The following NNMT variants were observed in gnomAD, a reference collection of about 807,000 sequenced individuals.
NNMT encodes the protein nicotinamide N-methyltransferase.
Under a neutral mutation model 11.7 loss-of-function variants are expected in NNMT, and 10 were observed. The observed-to-expected ratio is 0.85, with a 90% CI of 0.53 to 1.45. The LOEUF (loss-of-function observed/expected upper bound fraction) is 1.45, where lower values mean the gene tolerates loss of function less well. Among genes scored for constraint, NNMT ranks in the 40% most tolerant of loss-of-function variants. The probability of loss-of-function intolerance (pLI) is 0.00; values close to 1 mark genes in which losing one functional copy is unlikely to be tolerated. For missense variants in NNMT, 381 were observed against 319.4 expected (o/e 1.19, Z -1.47); for synonymous variants, 143 against 133.8 (o/e 1.07, Z -0.48).
At chr11:114,284,854 C>T (rs1201879110) in intron 2 of NNMT, among the ~76,000 whole-genome samples, 1 of 146,666 alleles carries the variant, frequency 6.8e-6, no homozygotes, top group Non-Finnish European at 1.5e-5. Context: ...ACTGCAACCT[C>T]CACCTTCTGG....
At chr11:114,288,228 C>T (rs745408733) in intron 2 of NNMT, among the ~76,000 whole-genome samples, 1 of 152,026 alleles carries the variant, frequency 6.6e-6, no homozygotes, top group African/African-American at 2.4e-5. Flanking sequence ...TTTTAACCTG[C>T]CGTACTGTCC....
At chr11:114,278,957 C>A (rs906095641) in intron 2 of NNMT, among the ~76,000 whole-genome samples, 2 of 152,158 alleles carry the variant, frequency 1.3e-5, no homozygotes, top group East Asian at 3.9e-4. Context: ...AGGTGCCCTA[C>A]GCAAGACTGG....
rs1945564883 is a variant in NNMT at position 114,312,632 on chromosome 11, C to T, written c.*155C>T. Reference sequence around the variant, plus strand: ...CTAGAGAGGTCAGTCTACAAGCAATCCATTGACCACTTACTTGGTGCTGCA... The same window carrying T: ...CTAGAGAGGTCAGTCTACAAGCAATTCATTGACCACTTACTTGGTGCTGCA... On this transcript the variant is annotated 3_prime_UTR_variant, in exon 3 of 3. Coordinates refer to ENST00000299964, the MANE Select transcript of NNMT (RefSeq NM_006169.3). 9.1e-6 allele frequency: 6 copies of T among 657,438 alleles called. No homozygotes were observed. Among genetic ancestry groups the T allele is most frequent in the Non-Finnish European group, 1.3e-5 (5 of 388,856 alleles). The allele number at this position is 657,438 out of a possible 1,614,324, so 40.7% of individuals were successfully genotyped here.
intron 2 of NNMT, among the ~76,000 whole-genome samples, chr11:114,300,853 G>A (rs529831812): frequency 1.3e-5 from 2 of 152,182 alleles, no homozygotes; most frequent in African/African-American, 4.8e-5. Context: ...CCCTTCCTAT[G>A]CTTGCTGTTT....
At chr11:114,298,388 A>G in intron 2 of NNMT, 1 of 523,896 alleles carries the variant, frequency 1.9e-6, no homozygotes, top group African/African-American at 1.9e-5. Flanking sequence ...AGAGGGTTGA[A>G]GAAATGGATA....
chr11:114,272,340 C>T (rs1945176003), intron 2 of NNMT, among the ~76,000 whole-genome samples: 1 of 152,164 alleles, frequency 6.6e-6, no homozygotes, highest in Non-Finnish European at 1.5e-5. Context: ...TCTCCTTCAA[C>T]CTTGCAGGAG....
chr11:114,284,494 T>C (rs1045712852), intron 2 of NNMT, among the ~76,000 whole-genome samples: 1 of 152,200 alleles, frequency 6.6e-6, no homozygotes, highest in Non-Finnish European at 1.5e-5. Context: ...TTTCTTGAGA[T>C]GGAGTCTTGT....
At chr11:114,303,556 A>G (rs1349439339) in intron 2 of NNMT, among the ~76,000 whole-genome samples, 1 of 152,232 alleles carries the variant, frequency 6.6e-6, no homozygotes, top group African/African-American at 2.4e-5. Context: ...TCAACTGAAT[A>G]GATCTTCAAA....
chr11:114,268,103 C>T (rs905800650), intron 2 of NNMT, among the ~76,000 whole-genome samples: 4 of 152,102 alleles, frequency 2.6e-5, no homozygotes, highest in East Asian at 3.9e-4. Flanking sequence ...AAGGAGGAAA[C>T]GATCTGAAGA....
At chr11:114,263,180 C>G (rs1010306297) in intron 2 of NNMT, among the ~76,000 whole-genome samples, 8 of 152,136 alleles carry the variant, frequency 5.3e-5, no homozygotes, top group Admixed American at 5.2e-4. Flanking sequence ...CAGCTGAGAC[C>G]AGCCTGGGAT....
At chr11:114,294,222 C>G (rs919344085), upstream of NNMT, among the ~76,000 whole-genome samples, 2 of 152,038 alleles carry the variant, frequency 1.3e-5, no homozygotes, top group Admixed American at 1.3e-4. Flanking sequence ...GTGGCTCACG[C>G]CTGTAATCCC....
chr11:114,281,008 C>T (rs1034989915), intron 2 of NNMT, among the ~76,000 whole-genome samples: 3 of 152,194 alleles, frequency 2.0e-5, no homozygotes, highest in African/African-American at 7.2e-5. Flanking sequence ...TCACCTCCAC[C>T]ACAGAAGCTG....
At chr11:114,267,221 C>A (rs1390161071) in intron 2 of NNMT, among the ~76,000 whole-genome samples, 1 of 152,192 alleles carries the variant, frequency 6.6e-6, no homozygotes, top group Non-Finnish European at 1.5e-5. Flanking sequence ...ACCAAGATCA[C>A]GTCACTGCAG....
intron 2 of NNMT, among the ~76,000 whole-genome samples, chr11:114,284,678 G>A (rs1349125835): frequency 6.6e-6 from 1 of 151,344 alleles, no homozygotes; most frequent in Non-Finnish European, 1.5e-5. Flanking sequence ...TAGCCAGGAT[G>A]GTCTCGATCT....
chr11:114,262,642 G>A (rs140763092), intron 1 of NNMT, among the ~76,000 whole-genome samples: 5 of 152,114 alleles, frequency 3.3e-5, no homozygotes, highest in Admixed American at 2.6e-4. Context: ...GCCTCTGTGC[G>A]CTTCCAGCCA....
At position 114,298,024 on chromosome 11, in the gene NNMT, A is replaced by T. The variant is rs747662029; in HGVS notation, c.228A>T (p.Glu76Asp). 6.2e-7 allele frequency: 1 copy of T among 1,614,034 alleles called. No individual in the cohort carries two copies. ...TCTATCAGCTCCTCTCTGCTTGTGA[A>T]TCCTTTAAGGAGATCGTCGTCACTG... ...PTIYQLLSAC[E>D]SFKEIVVTDY... The change falls in exon 2 of 3, where the codon GAA becomes GAT. Residue 76 changes from glutamate (E) to aspartate (D), a missense_variant. Glu to Asp is a conservative substitution (Grantham distance 45, BLOSUM62 2). Transcript: ENST00000299964.
At chr11:114,263,103 T>C (rs1267945183) in intron 2 of NNMT, among the ~76,000 whole-genome samples, 1 of 152,074 alleles carries the variant, frequency 6.6e-6, no homozygotes, top group Non-Finnish European at 1.5e-5. Flanking sequence ...CAAGCATGGG[T>C]ACTTGACCTT....
At chr11:114,296,834 A>G (rs917739578) in intron 1 of NNMT, 124 bp downstream of exon 1, 3 of 922,822 alleles carry the variant, frequency 3.3e-6, no homozygotes, top group South Asian at 1.6e-5. Flanking sequence ...CCATTTATTT[A>G]ACTAGGATAA....
Position 114,298,063 on chromosome 11 carries a change from G to C in NNMT, c.267G>C (p.Gln89His). 6.2e-7 allele frequency: 1 copy of C among 1,614,170 alleles called. No individual in the cohort carries two copies. The highest frequency in any genetic ancestry group is 8.5e-7 in the Non-Finnish European group (1 of 1,180,034). Residue 89 changes from glutamine (Q) to histidine (H), a missense_variant, in exon 2 of 3, where the codon CAG (glutamine) becomes CAC (histidine). Gln to His is a conservative substitution (Grantham distance 24). Transcript: ENST00000299964. ...TCGTCGTCACTGACTACTCAGACCAGAACCTGCAGGAGCTGGAGAAGTGGC... is the reference window on the plus strand; with the variant it reads ...TCGTCGTCACTGACTACTCAGACCACAACCTGCAGGAGCTGGAGAAGTGGC... ...KEIVVTDYSD[Q>H]NLQELEKWLK...
Sources: gnomAD v4.1 joint callset for allele counts (sites outside exome capture counted in the v4.1 genomes callset) on GRCh38, gnomAD v4.1.1 for gene constraint, MANE v1.5 for transcripts, NCBI Gene and HGNC (gene_info 2026-07-23, HGNC 2026-07-21) for gene names.